The following DLGAP2 variants were observed in gnomAD, a reference collection of about 807,000 sequenced individuals.
DLGAP2 encodes disks large-associated protein 2.
DLGAP2 carries 26 observed loss-of-function variants against 100.3 expected under a neutral mutation model. That is an observed-to-expected ratio of 0.26 (90% CI 0.19 to 0.36). The LOEUF (loss-of-function observed/expected upper bound fraction) is 0.36, where lower values mean the gene tolerates loss of function less well. Ranked by LOEUF, DLGAP2 falls within the 10% of genes least tolerant of loss-of-function variation. DLGAP2 has a pLI of 1.00. For synonymous variants in DLGAP2, 886 were observed against 630.1 expected (o/e 1.41, Z -6.08); for missense variants, 1,858 against 1,453.2 (o/e 1.28, Z -4.53).
At chr8:1,479,149 G>C (rs1043806803) in intron 3 of DLGAP2, among the ~76,000 whole-genome samples, 1 of 152,288 alleles carries the variant, frequency 6.6e-6, no homozygotes, top group Non-Finnish European at 1.5e-5. Context: ...CAGCAGGCCA[G>C]TGTTTCTTCA....
intron 3 of DLGAP2, among the ~76,000 whole-genome samples, chr8:1,371,741 T>A (rs1369648372): frequency 1.4e-4 from 22 of 152,118 alleles, no homozygotes; most frequent in Admixed American, 1.4e-3. Flanking sequence ...AGCTCACATG[T>A]CATCGCCACT....
intron 2 of DLGAP2, among the ~76,000 whole-genome samples, chr8:925,112 T>A (rs1367837717): frequency 6.6e-6 from 1 of 151,918 alleles, no homozygotes; most frequent in Non-Finnish European, 1.5e-5. Flanking sequence ...TGCGCGTGGG[T>A]GATGGCCACT....
At chr8:1,236,934 TC>T (rs1373781084) in intron 2 of DLGAP2, among the ~76,000 whole-genome samples, 23 of 146,934 alleles carry the variant, frequency 1.6e-4, no homozygotes, top group African/African-American at 5.6e-4. Context: ...CGTGTCTAGT[TC>T]TCTCACATGG....
At chr8:1,301,441 C>T (rs1380079883) in intron 3 of DLGAP2, 3 of 142,676 alleles carry the variant, frequency 2.1e-5, no homozygotes, top group African/African-American at 8.1e-5. Flanking sequence ...CTCCAACCTC[C>T]ACTTTTTTTT....
intron 7 of DLGAP2, among the ~76,000 whole-genome samples, chr8:1,627,247 C>G (rs1458198552): frequency 1.3e-5 from 2 of 152,222 alleles, no homozygotes; most frequent in Admixed American, 6.5e-5. Flanking sequence ...CAGCATGGCT[C>G]TCAGCTCTGT....
chr8:1,145,778 A>AGC (rs1796595723), intron 2 of DLGAP2, among the ~76,000 whole-genome samples: 1 of 117,804 alleles, frequency 8.5e-6, no homozygotes, highest in Non-Finnish European at 1.7e-5. Context: ...CCCACCCCAC[A>AGC]ATAGTCCCCA....
intron 3 of DLGAP2, among the ~76,000 whole-genome samples, chr8:1,273,694 C>T (rs1015525450): frequency 6.6e-6 from 1 of 152,146 alleles, no homozygotes; most frequent in Non-Finnish European, 1.5e-5. Context: ...TCCAAATTCT[C>T]CAGCCCATGT....
intron 6 of DLGAP2, among the ~76,000 whole-genome samples, chr8:1,579,999 C>A (rs920581930): frequency 6.6e-6 from 1 of 152,208 alleles, no homozygotes; most frequent in African/African-American, 2.4e-5. Context: ...AACACCTCCA[C>A]CGAAAGCCTG....
intron 1 of DLGAP2, among the ~76,000 whole-genome samples, chr8:821,574 C>T (rs1796583959): frequency 6.6e-6 from 1 of 152,186 alleles, no homozygotes; most frequent in South Asian, 2.1e-4. Context: ...CACTGAATTT[C>T]ATCTGGGTAC....
intron 1 of DLGAP2, among the ~76,000 whole-genome samples, chr8:896,635 G>A (rs560722377): frequency 7.2e-5 from 11 of 152,068 alleles, no homozygotes; most frequent in Non-Finnish European, 1.3e-4. Context: ...GTTGGTATTC[G>A]TGCCCTTGTA....
At chr8:1,427,848 C>T (rs1485081648) in intron 3 of DLGAP2, among the ~76,000 whole-genome samples, 2 of 152,154 alleles carry the variant, frequency 1.3e-5, no homozygotes, top group African/African-American at 2.4e-5. Flanking sequence ...ATGTCTTTAT[C>T]AGCAGCATGA....
intron 8 of DLGAP2, among the ~76,000 whole-genome samples, chr8:1,640,374 C>T (rs771243940): frequency 6.7e-6 from 1 of 148,562 alleles, no homozygotes; most frequent in African/African-American, 2.6e-5. Context: ...AGTGTCAGAC[C>T]TGCTGCTGAC....
At chr8:1,260,348 T>C (rs1799320892) in intron 3 of DLGAP2, among the ~76,000 whole-genome samples, 1 of 152,214 alleles carries the variant, frequency 6.6e-6, no homozygotes, top group African/African-American at 2.4e-5. Context: ...AATTGTGAAA[T>C]ATAAAACCTT....
chr8:1,350,840 A>C (rs1585288018), intron 3 of DLGAP2, among the ~76,000 whole-genome samples: 1 of 57,182 alleles, frequency 1.7e-5, no homozygotes, highest in Non-Finnish European at 3.5e-5. Context: ...GTGCGTGGAA[A>C]GGCCGTGCGG....
At chr8:802,110 A>ACGGCCTGGGGAATGGTCCACACT (rs1796175251) in intron 1 of DLGAP2, among the ~76,000 whole-genome samples, 778 of 30,926 alleles carry the variant, frequency 0.025, 5 homozygotes, top group African/African-American at 0.032. Flanking sequence ...TGGTCCACAC[A>ACGGCCTGGGGAATGGTCCACACT]CCTCCTGGGC....
At chr8:1,134,817 T>C (rs749949093) in intron 2 of DLGAP2, among the ~76,000 whole-genome samples, 1 of 152,088 alleles carries the variant, frequency 6.6e-6, no homozygotes, top group Non-Finnish European at 1.5e-5. Flanking sequence ...ACACCATTTA[T>C]AATATAAACC....
chr8:816,056 A>G (rs549471672), intron 1 of DLGAP2, among the ~76,000 whole-genome samples: 1 of 152,270 alleles, frequency 6.6e-6, no homozygotes, highest in African/African-American at 2.4e-5. Context: ...GTCCATTTGC[A>G]TGGAGTATTT....
rs555123226 is a variant in DLGAP2, at chr8:1,562,916, C to T, written c.1231-2767C>T. Among the ~76,000 whole-genome samples, 57 of 78,092 alleles carry T rather than the reference C, an allele frequency of 7.3e-4. 5 individuals are homozygous for T. Among genetic ancestry groups the T allele is most frequent in the African/African-American group, 2.5e-3 (39 of 15,886 alleles). The allele number at this position is 78,092 out of a possible 152,430, so 51.2% of individuals were successfully genotyped here. On this transcript the variant is annotated intron_variant, in intron 5 of 14. Coordinates refer to ENST00000637795, the MANE Select transcript of DLGAP2 (RefSeq NM_001346810.2). ...GGGGGACTGTGTGGTGTTGGGGTGTCCGTGCCTCGTTACTGCGGGGACTGT... is the reference window on the plus strand; with the variant it reads ...GGGGGACTGTGTGGTGTTGGGGTGTTCGTGCCTCGTTACTGCGGGGACTGT...
At chr8:927,333 C>CGGTCATTTT (rs755640456) in intron 2 of DLGAP2, 5 of 730,998 alleles carry the variant, frequency 6.8e-6, no homozygotes, top group Non-Finnish European at 8.4e-6. Context: ...GATTCAATGA[C>CGGTCATTTT]TAAAAATGAC....
Sources: gnomAD v4.1 joint callset for allele counts (sites outside exome capture counted in the v4.1 genomes callset) on GRCh38, gnomAD v4.1.1 for gene constraint, MANE v1.5 for transcripts, NCBI Gene and HGNC (gene_info 2026-07-23, HGNC 2026-07-21) for gene names.